The following ZNF148 variants were observed in gnomAD, a reference collection of about 807,000 sequenced individuals.
The protein encoded by ZNF148 is Beta-Enolase Repressor Factor-1.
Under a neutral mutation model 67.7 loss-of-function variants are expected in ZNF148, and 7 were observed. The observed-to-expected ratio is 0.10, with a 90% CI of 0.06 to 0.19. ZNF148 has a LOEUF of 0.19. Among genes scored for constraint, ZNF148 ranks in the 10% least tolerant of loss-of-function variants. ZNF148 has a pLI of 1.00. For missense variants in ZNF148, 583 were observed against 947.1 expected, an observed-to-expected ratio of 0.62 and a Z score of 5.05; for synonymous variants, 333 against 330.7, an observed-to-expected ratio of 1.01 and a Z score of -0.08.
chr3:125,244,298 G>A (rs765156242), intron 7 of ZNF148, among the ~76,000 whole-genome samples: 11 of 152,066 alleles, frequency 7.2e-5, no homozygotes, highest in Non-Finnish European at 1.5e-4. Context: ...CTATATATGA[G>A]AGAGTTATAA....
chr3:125,260,520 C>T lies in ZNF148; in HGVS notation c.667+17206G>A, dbSNP rs144433639. ...GAAGTAAGTCAGATTCAAAAAGCTA[C>T]ATACCATATAATTCAATTTATATGA... On this transcript the variant is annotated intron_variant, in intron 7 of 8. Coordinates refer to ENST00000360647, the MANE Select transcript of ZNF148 (RefSeq NM_021964.3). Among the ~76,000 whole-genome samples the T allele has an allele frequency of 6.6e-5, 10 of 152,272 alleles. No homozygotes were observed. In the East Asian group the frequency reaches 1.7e-3, roughly 26 times the overall value.
At chr3:125,304,939 G>T (rs755250309) in intron 4 of ZNF148, among the ~76,000 whole-genome samples, 4 of 152,110 alleles carry the variant, frequency 2.6e-5, no homozygotes, top group Non-Finnish European at 5.9e-5. Context: ...AAAAAGCAAA[G>T]AAGTACTCAA....
At chr3:125,283,371 ATAAGC>A (rs1938492412) in intron 5 of ZNF148, among the ~76,000 whole-genome samples, 1 of 152,182 alleles carries the variant, frequency 6.6e-6, no homozygotes, top group Non-Finnish European at 1.5e-5. Flanking sequence ...TCACTGTATC[ATAAGC>A]ATGGCACAAC....
Position 125,279,206 on chromosome 3 carries a change from G to T in ZNF148, c.501C>A (p.Thr167=). ...AGTGCTCACAAACGTGAGATTTAGG[G>T]GTTTTCAAACCAAGTGATCCATCCT... is the stretch of plus-strand genomic sequence containing the variant. ...INEDGSLGLK[T]PKSHVCEHCN... Residue 167 remains threonine, a synonymous_variant, in exon 6 of 9, where the codon ACC becomes ACA. Coordinates refer to ENST00000360647, the MANE Select transcript of ZNF148 (RefSeq NM_021964.3). 6.2e-7 allele frequency: 1 copy of T among 1,600,436 alleles called. No homozygotes were observed.
chr3:125,294,064 T>C (rs1370650427), intron 4 of ZNF148, among the ~76,000 whole-genome samples: 1 of 152,188 alleles, frequency 6.6e-6, no homozygotes, highest in East Asian at 1.9e-4. Context: ...TATGATGCAC[T>C]GAGGGGGACA....
At chr3:125,249,054 A>G (rs753045338) in intron 7 of ZNF148, among the ~76,000 whole-genome samples, 1 of 152,204 alleles carries the variant, frequency 6.6e-6, no homozygotes, top group Non-Finnish European at 1.5e-5. Flanking sequence ...AGACTTAAAC[A>G]TAAGACCTGA....
intron 5 of ZNF148, among the ~76,000 whole-genome samples, chr3:125,287,541 A>G (rs1276443041): frequency 6.6e-6 from 1 of 152,182 alleles, no homozygotes; most frequent in African/African-American, 2.4e-5. Flanking sequence ...CAGGAGGCTG[A>G]GGGAGGAGGA....
chr3:125,279,171 G>A lies in ZNF148; in HGVS notation c.536C>T (p.Ala179Val). ...KSHVCEHCNA[A>V]FRTNYHLQRH... ...CTGTAAGTGATAGTTCGTTCTAAAGGCAGCATTGCAGTGCTCACAAACGTG... is the reference window on the plus strand; with the variant it reads ...CTGTAAGTGATAGTTCGTTCTAAAGACAGCATTGCAGTGCTCACAAACGTG... The change falls in exon 6 of 9, where the codon GCC (alanine) becomes GTC (valine). Residue 179 changes from alanine (A) to valine (V), a missense_variant. This residue lies in a region of ZNF148 where 25 missense variants were observed against 142.0 expected (regional missense o/e 0.18). Coordinates refer to ENST00000360647, the MANE Select transcript of ZNF148 (RefSeq NM_021964.3). The A allele has an allele frequency of 6.2e-7, 1 of 1,608,872 alleles. No homozygotes were observed. Among genetic ancestry groups the A allele is most frequent in the Non-Finnish European group, 8.5e-7 (1 of 1,177,442 alleles).
rs996385303 is a variant in ZNF148 at position 125,314,235 on chromosome 3, G to C, written c.-16-579C>G. ...CTACTGATAATAAAAGTATGTATTA[G>C]ATCAACTATTTTCAAAAGCCATTTG... On this transcript the variant is annotated intron_variant, in intron 3 of 8. Coordinates refer to ENST00000360647, the MANE Select transcript of ZNF148 (RefSeq NM_021964.3). Among the ~76,000 whole-genome samples the C allele has an allele frequency of 2.9e-4, 44 of 151,982 alleles. 1 individual carries two copies. Among genetic ancestry groups the C allele is most frequent in the Non-Finnish European group, 5.9e-5 (4 of 67,984 alleles).
At chr3:125,257,279 C>T (rs956992698) in intron 7 of ZNF148, among the ~76,000 whole-genome samples, 19 of 152,082 alleles carry the variant, frequency 1.2e-4, no homozygotes, top group African/African-American at 2.9e-4. Flanking sequence ...TGGCCGGGCA[C>T]GGTGGCTCAC....
chr3:125,267,820 T>C (rs1001768643), intron 7 of ZNF148, among the ~76,000 whole-genome samples: 1 of 152,216 alleles, frequency 6.6e-6, no homozygotes, highest in African/African-American at 2.4e-5. Context: ...ATTCAGTATC[T>C]AGAAAGCCCT....
intron 3 of ZNF148, among the ~76,000 whole-genome samples, chr3:125,319,040 C>T (rs1056264612): frequency 6.6e-6 from 1 of 152,042 alleles, no homozygotes; most frequent in Non-Finnish European, 1.5e-5. Flanking sequence ...CCTATTGACA[C>T]GTGTTTAGTT....
intron 1 of ZNF148, among the ~76,000 whole-genome samples, chr3:125,371,373 G>GT (rs1942876278): frequency 1.5e-3 from 4 of 2,608 alleles, no homozygotes; most frequent in African/African-American, 2.6e-3. Context: ...AAAAAAAAAA[G>GT]GGGGGGGGGG....
chr3:125,340,088 T>G (rs6438895), intron 1 of ZNF148, among the ~76,000 whole-genome samples: 117,229 of 152,070 alleles, frequency 0.77, 45,722 homozygotes, highest in African/African-American at 0.85. Flanking sequence ...AGTAAACCAA[T>G]TTGGGACCCA....
chr3:125,303,052 G>C (rs1159913190), intron 4 of ZNF148, among the ~76,000 whole-genome samples: 1 of 152,094 alleles, frequency 6.6e-6, no homozygotes, highest in African/African-American at 2.4e-5. Context: ...ACTGATACAT[G>C]CAACAACCTG....
intron 7 of ZNF148, among the ~76,000 whole-genome samples, chr3:125,265,977 G>T (rs913235227): frequency 1.3e-5 from 2 of 152,000 alleles, no homozygotes; most frequent in East Asian, 3.8e-4. Flanking sequence ...GACAAAGAAG[G>T]TCATTTTATA....
chr3:125,322,175 G>A (rs1334135171), intron 3 of ZNF148, among the ~76,000 whole-genome samples: 3 of 151,600 alleles, frequency 2.0e-5, no homozygotes, highest in Non-Finnish European at 4.4e-5. Flanking sequence ...GACTACAGGG[G>A]CCCACCACCT....
chr3:125,327,267 A>G (rs1941071935), intron 2 of ZNF148, among the ~76,000 whole-genome samples: 1 of 152,222 alleles, frequency 6.6e-6, no homozygotes, highest in African/African-American at 2.4e-5. Flanking sequence ...TATTGAAAGG[A>G]AAAATTAAAA....
rs189095367 is a variant in ZNF148 at position 125,261,347 on chromosome 3, A to G, written c.667+16379T>C. 3.3e-5 allele frequency among the ~76,000 whole-genome samples: 5 copies of G among 152,352 alleles called. No individual in the cohort carries two copies. In the East Asian group the frequency reaches 7.7e-4, roughly 24 times the overall value. ...GTCATTATGGGCCCTCTTAAAATCT[A>G]AAGTGACCCTAATTCACTGTGGCTT... On this transcript the variant is annotated intron_variant, in intron 7 of 8. Coordinates refer to ENST00000360647, the MANE Select transcript of ZNF148 (RefSeq NM_021964.3).
Sources: allele counts gnomAD v4.1 joint callset (sites outside exome capture counted in the v4.1 genomes callset), GRCh38; gene constraint gnomAD v4.1.1; regional missense constraint gnomAD v4.1.1; transcripts MANE v1.5; gene names NCBI Gene and HGNC (gene_info 2026-07-23, HGNC 2026-07-21).